The following RAB38 variants were observed in gnomAD, a reference collection of about 807,000 sequenced individuals.
The protein encoded by RAB38 is ras-related protein Rab-38.
In RAB38, 15 loss-of-function variants were observed where a neutral mutation model predicts 18.4. The observed-to-expected ratio is 0.82, with a 90% confidence interval of 0.55 to 1.26. RAB38 has a LOEUF of 1.26. Ranked by LOEUF, RAB38 falls within the 50% of genes most tolerant of loss-of-function variation. RAB38 has a pLI of 0.00. For missense variants in RAB38, 294 were observed against 267.4 expected (o/e 1.10, Z -0.69); for synonymous variants, 101 against 104.4 (o/e 0.97, Z 0.20).
the RAB38 span, among the ~76,000 whole-genome samples, chr11:88,055,038 G>A: frequency 1.3e-5 from 2 of 152,144 alleles, no homozygotes; most frequent in East Asian, 3.8e-4. Context: ...TCATCTGTAA[G>A]TAACCACTTA....
At chr11:88,129,776 ATTTC>A (rs1942745093) in intron 2 of RAB38, among the ~76,000 whole-genome samples, 1 of 152,184 alleles carries the variant, frequency 6.6e-6, no homozygotes, top group Admixed American at 6.5e-5. Flanking sequence ...ATACACACAT[ATTTC>A]TTATTGAATG....
At chr11:88,095,893 G>A in the RAB38 span, among the ~76,000 whole-genome samples, 1 of 151,796 alleles carries the variant, frequency 6.6e-6, no homozygotes. Flanking sequence ...AAATCGCTTT[G>A]GTTCTGCTTT....
the RAB38 span, among the ~76,000 whole-genome samples, chr11:87,881,222 C>T: frequency 3.3e-5 from 5 of 151,882 alleles, no homozygotes; most frequent in Non-Finnish European, 5.9e-5. Context: ...AATGGAATAA[C>T]GTAGGTTGTT....
the RAB38 span, among the ~76,000 whole-genome samples, chr11:88,041,812 T>C: frequency 6.6e-6 from 1 of 152,122 alleles, no homozygotes; most frequent in South Asian, 2.1e-4. Flanking sequence ...ATACCACTGC[T>C]GACTTCCCTC....
At chr11:88,114,245 C>A in intron 2 of RAB38, 105 bp from the exon 3 acceptor site, 1 of 1,186,240 alleles carries the variant, frequency 8.4e-7, no homozygotes, top group Non-Finnish European at 1.2e-6. Flanking sequence ...TTCCTATATG[C>A]TACATATGCA....
At chr11:88,078,983 T>A in the RAB38 span, among the ~76,000 whole-genome samples, 1 of 151,996 alleles carries the variant, frequency 6.6e-6, no homozygotes, top group African/African-American at 2.4e-5. Context: ...AATTATCACA[T>A]GTACCCTGAA....
At chr11:87,905,251 C>G in the RAB38 span, among the ~76,000 whole-genome samples, 2 of 151,046 alleles carry the variant, frequency 1.3e-5, no homozygotes, top group Non-Finnish European at 3.0e-5. Context: ...AATCTTGTAT[C>G]TTTTCCCTCC....
At chr11:88,085,130 T>G in the RAB38 span, among the ~76,000 whole-genome samples, 1 of 151,860 alleles carries the variant, frequency 6.6e-6, no homozygotes. Flanking sequence ...CAAACTTAGA[T>G]AAAAAGAAGA....
At chr11:87,919,783 C>G in the RAB38 span, among the ~76,000 whole-genome samples, 1 of 151,870 alleles carries the variant, frequency 6.6e-6, no homozygotes, top group Non-Finnish European at 1.5e-5. Flanking sequence ...TGCTCTTAAC[C>G]ATTATTGGTC....
At chr11:87,976,437 TA>T in the RAB38 span, among the ~76,000 whole-genome samples, 1 of 132,830 alleles carries the variant, frequency 7.5e-6, no homozygotes, top group Non-Finnish European at 1.6e-5. Context: ...TATGCATTTA[TA>T]TTTTTTATAT....
intron 2 of RAB38, among the ~76,000 whole-genome samples, chr11:88,137,731 T>C (rs1417733636): frequency 1.3e-5 from 2 of 151,968 alleles, no homozygotes; most frequent in Non-Finnish European, 2.9e-5. Context: ...TGAACAAAGG[T>C]TTATATAAAG....
the RAB38 span, among the ~76,000 whole-genome samples, chr11:87,807,074 T>G: frequency 6.6e-6 from 1 of 152,154 alleles, no homozygotes; most frequent in African/African-American, 2.4e-5. Flanking sequence ...CGAACTCTAT[T>G]GTGAGCTGTG....
At chr11:87,958,471 T>C in the RAB38 span, among the ~76,000 whole-genome samples, 2 of 152,144 alleles carry the variant, frequency 1.3e-5, no homozygotes. Flanking sequence ...TTCTTTCCAC[T>C]GCTAGTGTTG....
At chr11:87,857,263 C>T in the RAB38 span, among the ~76,000 whole-genome samples, 11 of 152,102 alleles carry the variant, frequency 7.2e-5, no homozygotes, top group African/African-American at 1.9e-4. Flanking sequence ...CAGTCTATCA[C>T]TGATGGACAT....
chr11:87,856,140 T>C, the RAB38 span, among the ~76,000 whole-genome samples: 1 of 152,186 alleles, frequency 6.6e-6, no homozygotes, highest in Non-Finnish European at 1.5e-5. Flanking sequence ...TATATCATTT[T>C]CCTCCTGGAC....
At chr11:88,010,714 C>A in the RAB38 span, among the ~76,000 whole-genome samples, 3 of 152,154 alleles carry the variant, frequency 2.0e-5, no homozygotes, top group Non-Finnish European at 4.4e-5. Flanking sequence ...TCACGATAAT[C>A]CTGCAAATAC....
chr11:88,110,283 AAC>A (rs1942455954), downstream of RAB38, among the ~76,000 whole-genome samples: 1 of 152,068 alleles, frequency 6.6e-6, no homozygotes, highest in Non-Finnish European at 1.5e-5. Context: ...AACCAAACCA[AAC>A]ACTGCATGTT....
the RAB38 span, among the ~76,000 whole-genome samples, chr11:87,862,255 A>G: frequency 3.3e-5 from 5 of 152,054 alleles, no homozygotes; most frequent in Non-Finnish European, 7.4e-5. Flanking sequence ...ACATAGAATC[A>G]ACCTAAATGC....
intron 1 of RAB38, chr11:88,167,459 G>C (rs796263392): frequency 9.9e-5 from 15 of 152,218 alleles, no homozygotes; most frequent in African/African-American, 3.6e-4. Context: ...CATGATGAGG[G>C]GTATCACCAC....
Sources: gnomAD v4.1 joint callset for allele counts (sites outside exome capture counted in the v4.1 genomes callset) on GRCh38, gnomAD v4.1.1 for gene constraint, MANE v1.5 for transcripts, NCBI Gene and HGNC (gene_info 2026-07-23, HGNC 2026-07-21) for gene names.